Variants in NRXN1 observed in about 807,000 individuals in gnomAD.
The protein encoded by NRXN1 is neurexin 1, also known as neurexin-1.
Under a neutral mutation model 150.9 loss-of-function variants are expected in NRXN1, and 39 were observed. The observed-to-expected ratio is 0.26, with a 90% CI of 0.20 to 0.34. NRXN1 has a LOEUF of 0.34. Among genes scored for constraint, NRXN1 ranks in the 10% least tolerant of loss-of-function variants. The pLI is 1.00. For synonymous variants in NRXN1, 924 were observed against 757.0 expected, an observed-to-expected ratio of 1.22 and a Z score of -3.62; for missense variants, 1,815 against 1,949.9, an observed-to-expected ratio of 0.93 and a Z score of 1.30.
intron 2 of NRXN1, among the ~76,000 whole-genome samples, chr2:50,962,723 G>T (rs1255012758): frequency 6.6e-6 from 1 of 151,418 alleles, no homozygotes; most frequent in African/African-American, 2.4e-5. Context: ...CATGAATGTT[G>T]ATTATAAAAA....
At chr2:51,016,720 G>A (rs939910857) in intron 2 of NRXN1, among the ~76,000 whole-genome samples, 1 of 152,130 alleles carries the variant, frequency 6.6e-6, no homozygotes, top group Non-Finnish European at 1.5e-5. Flanking sequence ...TCTAGAAACA[G>A]AGGTACCATT....
intron 18 of NRXN1, among the ~76,000 whole-genome samples, chr2:50,172,327 C>T (rs893638239): frequency 1.6e-4 from 25 of 152,040 alleles, no homozygotes; most frequent in African/African-American, 6.0e-4. Context: ...AGGGAAATCA[C>T]ATGTTAACTA....
chr2:50,015,766 A>C (rs1420120501), intron 21 of NRXN1, among the ~76,000 whole-genome samples: 1 of 152,178 alleles, frequency 6.6e-6, no homozygotes, highest in Non-Finnish European at 1.5e-5. Context: ...TCATAGATTA[A>C]TATAGCTGAA....
chr2:51,007,751 T>C (rs1015887684), intron 2 of NRXN1, among the ~76,000 whole-genome samples: 2 of 151,902 alleles, frequency 1.3e-5, no homozygotes, highest in African/African-American at 4.8e-5. Context: ...TTTAGCTAAA[T>C]TGTGGACAAA....
intron 13 of NRXN1, 102 bp from the exon 14 acceptor site, chr2:50,497,816 TCCCTCC>T: frequency 4.6e-6 from 5 of 1,086,002 alleles, no homozygotes; most frequent in Non-Finnish European, 6.6e-6. Context: ...AGGAGCCAAA[TCCCTCC>T]TTGGTACTCA....
chr2:50,584,044 C>G (rs1031166891), intron 8 of NRXN1, among the ~76,000 whole-genome samples: 1 of 152,056 alleles, frequency 6.6e-6, no homozygotes, highest in Admixed American at 6.6e-5. Flanking sequence ...TCTAACCATA[C>G]AGAAAGAAAA....
At chr2:50,396,299 G>T (rs1157436562) in intron 17 of NRXN1, among the ~76,000 whole-genome samples, 1 of 152,062 alleles carries the variant, frequency 6.6e-6, no homozygotes, top group Non-Finnish European at 1.5e-5. Context: ...CTTCATTATT[G>T]TCAATTTAAC....
At chr2:50,458,267 G>T (rs1489787720) in intron 17 of NRXN1, among the ~76,000 whole-genome samples, 2 of 152,052 alleles carry the variant, frequency 1.3e-5, no homozygotes, top group Non-Finnish European at 2.9e-5. Context: ...TAGAATAGGT[G>T]GTAACCAGAG....
At chr2:50,791,193 G>C (rs536215314) in intron 5 of NRXN1, among the ~76,000 whole-genome samples, 1 of 148,948 alleles carries the variant, frequency 6.7e-6, no homozygotes, top group Non-Finnish European at 1.5e-5. Context: ...TCTTTGGAGA[G>C]TTAGACTTTA....
chr2:50,948,663 T>C (rs967354517), intron 2 of NRXN1, among the ~76,000 whole-genome samples: 64 of 152,018 alleles, frequency 4.2e-4, no homozygotes, highest in Non-Finnish European at 8.1e-4. Flanking sequence ...GCTTCTAAAA[T>C]AATAGTAAGA....
chr2:50,361,964 T>C (rs1321551543), intron 17 of NRXN1, among the ~76,000 whole-genome samples: 3 of 152,192 alleles, frequency 2.0e-5, no homozygotes, highest in African/African-American at 7.2e-5. Flanking sequence ...TCAATAAATT[T>C]AATCCATCAC....
At chr2:50,070,390 G>A (rs1334991913) in intron 19 of NRXN1, among the ~76,000 whole-genome samples, 1 of 152,132 alleles carries the variant, frequency 6.6e-6, no homozygotes, top group African/African-American at 2.4e-5. Flanking sequence ...GTGATCATGG[G>A]ATCAGTACTT....
chr2:50,094,767 G>GAA (rs10632264), intron 18 of NRXN1, among the ~76,000 whole-genome samples: 35,286 of 131,140 alleles, frequency 0.27, 4,613 homozygotes, highest in East Asian at 0.41. Context: ...GAAAAGAAAA[G>GAA]AAAAAAAAAA....
chr2:50,420,515 G>C (rs181592875), intron 17 of NRXN1, among the ~76,000 whole-genome samples: 2 of 152,064 alleles, frequency 1.3e-5, no homozygotes, highest in Non-Finnish European at 2.9e-5. Flanking sequence ...TATTAGTGGA[G>C]TGTTTGCATT....
intron 8 of NRXN1, among the ~76,000 whole-genome samples, chr2:50,599,160 T>A (rs575165131): frequency 2.0e-5 from 3 of 152,236 alleles, no homozygotes; most frequent in Non-Finnish European, 4.4e-5. Flanking sequence ...GTCTCCACCT[T>A]ACAGATGAGG....
At chr2:50,136,106 A>G (rs896732067) in intron 18 of NRXN1, among the ~76,000 whole-genome samples, 1 of 152,234 alleles carries the variant, frequency 6.6e-6, no homozygotes. Context: ...AGTCAAAGGA[A>G]TAAATGGTTG....
chr2:50,506,771 G>C, intron 12 of NRXN1, 154 bp from the exon 13 acceptor site: 1 of 755,666 alleles, frequency 1.3e-6, no homozygotes, highest in Non-Finnish European at 2.0e-6. Context: ...GGAGAGAAAG[G>C]AAACAGAGAA....
chr2:50,632,396 G>A (rs556246347), intron 5 of NRXN1: 50 of 152,128 alleles, frequency 3.3e-4, no homozygotes, highest in African/African-American at 1.1e-3. Flanking sequence ...AATTTTCACA[G>A]GGAAGAAGAA....
Position 50,876,751 on chromosome 2 carries a change from A to T in NRXN1, c.832+45118T>A, listed in dbSNP as rs201908472. Among the ~76,000 whole-genome samples, 23 of 151,872 alleles carry T rather than the reference A, an allele frequency of 1.5e-4. No individual in the cohort carries two copies. In the East Asian group the frequency reaches 4.3e-3, roughly 28 times the overall value. Reference sequence around the variant, plus strand: ...ACATTTGCCTACCGTTCGGCTCTTTATTTTTAAGCAGTAACATGGTAGAAG... The same window carrying T: ...ACATTTGCCTACCGTTCGGCTCTTTTTTTTTAAGCAGTAACATGGTAGAAG... On this transcript the variant is annotated intron_variant, in intron 5 of 22. Coordinates refer to ENST00000401669, the MANE Select transcript of NRXN1 (RefSeq NM_001330078.2).
Sources: allele counts gnomAD v4.1 joint callset (sites outside exome capture counted in the v4.1 genomes callset), GRCh38; gene constraint gnomAD v4.1.1; transcripts MANE v1.5; gene names NCBI Gene and HGNC (gene_info 2026-07-23, HGNC 2026-07-21).